The following CDH18 variants were observed in gnomAD, a reference collection of about 807,000 sequenced individuals.
CDH18 encodes cadherin 18.
In CDH18, 31 loss-of-function variants were observed where a neutral mutation model predicts 67.9. The ratio of observed to expected loss-of-function variants is 0.46; its 90% CI spans 0.34 to 0.62. The LOEUF is 0.62. Among genes scored for constraint, CDH18 ranks in the 20% least tolerant of loss-of-function variants. The pLI is 0.01. For synonymous variants in CDH18, 362 were observed against 347.2 expected (o/e 1.04, Z -0.48); for missense variants, 890 against 975.5 (o/e 0.91, Z 1.17).
chr5:19,622,640 G>C (rs1220612684), intron 5 of CDH18, among the ~76,000 whole-genome samples: 2 of 152,096 alleles, frequency 1.3e-5, no homozygotes, highest in Non-Finnish European at 2.9e-5. Flanking sequence ...GAGCTTTCTG[G>C]TAAGTGATCT....
intron 2 of CDH18, among the ~76,000 whole-genome samples, chr5:19,867,072 G>T (rs569977000): frequency 6.6e-6 from 1 of 152,178 alleles, no homozygotes; most frequent in Admixed American, 6.5e-5. Context: ...CTGGGCAACA[G>T]AGCAAGACTC....
chr5:19,518,530 G>C (rs1746386830), intron 10 of CDH18, among the ~76,000 whole-genome samples: 1 of 152,138 alleles, frequency 6.6e-6, no homozygotes, highest in Non-Finnish European at 1.5e-5. Context: ...TCAGCTGCCA[G>C]ACAGGCTAGA....
chr5:19,668,871 T>A (rs1758327364), intron 5 of CDH18, among the ~76,000 whole-genome samples: 1 of 151,894 alleles, frequency 6.6e-6, no homozygotes, highest in South Asian at 2.1e-4. Flanking sequence ...ATAACTGGTT[T>A]CAAAGCAGGC....
At chr5:19,679,816 T>TC (rs2150379250) in intron 5 of CDH18, among the ~76,000 whole-genome samples, 1 of 151,982 alleles carries the variant, frequency 6.6e-6, no homozygotes, top group South Asian at 2.1e-4. Flanking sequence ...GGAAAAACAT[T>TC]CCATACTCAT....
chr5:20,506,092 C>T (rs1297971598), intron 1 of CDH18, among the ~76,000 whole-genome samples: 1 of 152,178 alleles, frequency 6.6e-6, no homozygotes, highest in Admixed American at 6.5e-5. Context: ...TTCAGTTAGA[C>T]ACACAAAAAA....
At chr5:19,487,686 T>C (rs1372226002) in intron 11 of CDH18, among the ~76,000 whole-genome samples, 1 of 152,170 alleles carries the variant, frequency 6.6e-6, no homozygotes, top group Non-Finnish European at 1.5e-5. Context: ...TGACAATGCA[T>C]TATTTATTTT....
intron 1 of CDH18, among the ~76,000 whole-genome samples, chr5:20,272,017 A>G (rs1180885277): frequency 6.6e-6 from 1 of 152,082 alleles, no homozygotes. Flanking sequence ...TTTTATGAAT[A>G]AAGAATTAAG....
At chr5:20,382,536 C>CAA (rs1743992312) in intron 1 of CDH18, among the ~76,000 whole-genome samples, 1 of 151,968 alleles carries the variant, frequency 6.6e-6, no homozygotes, top group South Asian at 2.1e-4. Flanking sequence ...CTTACAGAAA[C>CAA]ACCAATATGA....
chr5:20,218,080 A>G lies in CDH18; in HGVS notation c.-518+37364T>C, dbSNP rs950538056. ...AATACGATAATAGCTGGAGATTTTAATACCCCACTTTCAGCATTGAACAGG... is the reference window on the plus strand; with the variant it reads ...AATACGATAATAGCTGGAGATTTTAGTACCCCACTTTCAGCATTGAACAGG... On this transcript the variant is annotated intron_variant, in intron 2 of 14. Transcript: ENST00000507958. Among the ~76,000 whole-genome samples, 3 of 151,940 alleles carry G rather than the reference A, an allele frequency of 2.0e-5. No individual in the cohort carries two copies. The Admixed American group carries it at 2.0e-4, about 10-fold the overall frequency.
chr5:20,038,201 G>A (rs1437183064), intron 2 of CDH18, among the ~76,000 whole-genome samples: 5 of 152,072 alleles, frequency 3.3e-5, no homozygotes. Context: ...AATTGAGGCA[G>A]TAATGAATAG....
intron 2 of CDH18, among the ~76,000 whole-genome samples, chr5:20,036,563 C>A (rs142790267): frequency 6.6e-6 from 1 of 152,090 alleles, no homozygotes; most frequent in East Asian, 1.9e-4. Context: ...ACACAAGCAA[C>A]GTTATGCTTA....
intron 1 of CDH18, among the ~76,000 whole-genome samples, chr5:20,491,345 A>C (rs1753571704): frequency 6.6e-6 from 1 of 152,118 alleles, no homozygotes; most frequent in Non-Finnish European, 1.5e-5. Flanking sequence ...TAAGTTTAGT[A>C]ATTCTTAACT....
At chr5:19,492,094 T>A (rs973666195) in intron 11 of CDH18, among the ~76,000 whole-genome samples, 2 of 152,148 alleles carry the variant, frequency 1.3e-5, no homozygotes, top group Non-Finnish European at 2.9e-5. Flanking sequence ...TTTTCAAATG[T>A]AAAAGACAAA....
chr5:20,385,264 C>T (rs1057459108), intron 1 of CDH18, among the ~76,000 whole-genome samples: 5 of 152,180 alleles, frequency 3.3e-5, no homozygotes, highest in African/African-American at 1.2e-4. Flanking sequence ...ATAATTCCCA[C>T]AGATCAGTAT....
chr5:20,087,710 C>G (rs991707427), intron 2 of CDH18, among the ~76,000 whole-genome samples: 2 of 152,112 alleles, frequency 1.3e-5, no homozygotes, highest in African/African-American at 2.4e-5. Context: ...AAATATGATG[C>G]TATTTTGCAC....
chr5:19,801,879 G>A (rs1321847386), intron 3 of CDH18, among the ~76,000 whole-genome samples: 2 of 152,046 alleles, frequency 1.3e-5, no homozygotes, highest in Non-Finnish European at 2.9e-5. Context: ...CTTACTTAAT[G>A]TTGTTTGTGC....
At chr5:20,379,515 A>G (rs1016385728) in intron 1 of CDH18, among the ~76,000 whole-genome samples, 8 of 152,156 alleles carry the variant, frequency 5.3e-5, no homozygotes, top group African/African-American at 1.9e-4. Flanking sequence ...CAGCTACCAT[A>G]TAGACACTGA....
chr5:20,081,576 A>G (rs1268522773), intron 2 of CDH18, among the ~76,000 whole-genome samples: 1 of 152,234 alleles, frequency 6.6e-6, no homozygotes, highest in Non-Finnish European at 1.5e-5. Context: ...GACTGAATAA[A>G]GAAAATATGG....
rs140071019 is a variant in CDH18, at chr5:19,925,243, G to C, written c.-257+55817C>G. 9.1e-3 allele frequency among the ~76,000 whole-genome samples: 1,382 copies of C among 152,268 alleles called. 28 individuals carry two copies. The highest frequency in any genetic ancestry group is 0.031 in the African/African-American group (1,297 of 41,562). On this transcript the variant is annotated intron_variant, in intron 2 of 12. Transcript: ENST00000382275. ...GGGCACCCACAGCAGCAGACCTCAA[G>C]CTACAGTATGTATAAAGCAATTCAT...
Sources: allele counts gnomAD v4.1 joint callset (sites outside exome capture counted in the v4.1 genomes callset), GRCh38; gene constraint gnomAD v4.1.1; transcripts MANE v1.5; gene names NCBI Gene and HGNC (gene_info 2026-07-23, HGNC 2026-07-21).